INA: variants seen among roughly 807,000 people sequenced by gnomAD.
INA encodes the protein internexin neuronal intermediate filament protein alpha, also known as alpha-internexin.
In INA, 35 loss-of-function variants were observed where a neutral mutation model predicts 40.1. That is an observed-to-expected ratio of 0.87 (90% CI 0.67 to 1.16). The LOEUF is 1.16. Ranked by LOEUF, INA falls within the 50% of genes most tolerant of loss-of-function variation. INA has a pLI of 0.00. For synonymous variants in INA, 290 were observed against 316.9 expected (o/e 0.92, Z 0.90); for missense variants, 594 against 686.7 (o/e 0.87, Z 1.51).
Position 103,288,747 on chromosome 10 carries a change from A to G in INA, c.*78A>G, listed in dbSNP as rs941181641. ...TTGTTAAACAGCCTATTCCTGAACT[A>G]TAACACCTGCCACCACTATAAAATG... On this transcript the variant is annotated 3_prime_UTR_variant, in exon 3 of 3. Coordinates refer to ENST00000369849, the MANE Select transcript of INA (RefSeq NM_032727.4). 2 of 859,866 alleles carry G rather than the reference A, an allele frequency of 2.3e-6. No individual in the cohort carries two copies. The highest frequency in any genetic ancestry group is 3.6e-6 in the Non-Finnish European group (2 of 554,102). The allele number at this position is 859,866 out of a possible 1,614,324, so 53.3% of individuals were successfully genotyped here.
chr10:103,285,454 C>T (rs756575434), intron 1 of INA, among the ~76,000 whole-genome samples: 28 of 150,766 alleles, frequency 1.9e-4, no homozygotes, highest in Non-Finnish European at 3.1e-4. Flanking sequence ...TGCCACTGCA[C>T]ACAGCTAATT....
In INA at chr10:103,288,642, A is replaced by T. The variant is rs1462427902; in HGVS notation, c.1473A>T (p.Glu491Asp). Residue 491 changes from glutamate to aspartate, a missense_variant, in exon 3 of 3, where the codon GAA becomes GAT. By Grantham distance (45) the Glu-to-Asp change is conservative (BLOSUM62 2). Coordinates refer to ENST00000369849, the MANE Select transcript of INA (RefSeq NM_032727.4). ...AAACCGAGAAATCAAATATAGAAGA[A>T]ACCACCATTTCAAGCCAAAAAATAT... ...TKKTEKSNIE[E>D]TTISSQKI 6.3e-7 allele frequency: 1 copy of T among 1,582,734 alleles called. No homozygotes were observed. The highest frequency in any genetic ancestry group is 8.6e-7 in the Non-Finnish European group (1 of 1,168,656).
chr10:103,289,253 G>T lies in INA; in HGVS notation c.*584G>T, dbSNP rs879149302. 1 of 152,436 alleles carries T rather than the reference G, an allele frequency of 6.6e-6. No homozygotes were observed. The highest frequency in any genetic ancestry group is 1.5e-5 in the Non-Finnish European group (1 of 68,042). 9.4% of individuals were successfully genotyped at this position (152,436 alleles called of 1,614,324 possible). A position where few individuals can be genotyped will look rare whatever the true frequency, so the allele number is the denominator to read the frequency against. ...ATTCTTCCCTTTTAAACACATTTTG[G>T]TTCTTCTCAAAAGAACTTACCCCCA... On this transcript the variant is annotated 3_prime_UTR_variant, in exon 3 of 3. Transcript: ENST00000369849.
rs1048019888 is a variant in INA, at chr10:103,280,624, CAG to C, written c.1065+2350_1065+2351del. ...CATTAAAGTCCCATCTTCTCTGCCC[CAG>C]ATAGCTGATAGCCTATTTAAGGAGA... On this transcript the variant is annotated intron_variant, in intron 1 of 2. Coordinates refer to ENST00000369849, the MANE Select transcript of INA (RefSeq NM_032727.4). 1.2e-5 allele frequency: 12 copies of C among 985,454 alleles called. No homozygotes were observed. In the African/African-American group the frequency reaches 2.1e-4, roughly 17 times the overall value. 61.0% of individuals were successfully genotyped at this position (985,454 alleles called of 1,614,324 possible). A position where few individuals can be genotyped will look rare whatever the true frequency, so the allele number is the denominator to read the frequency against.
At chr10:103,279,414 G>C (rs1455841346) in intron 1 of INA, among the ~76,000 whole-genome samples, 1 of 152,100 alleles carries the variant, frequency 6.6e-6, no homozygotes, top group Admixed American at 6.6e-5. Context: ...TCCCAACAAA[G>C]GCCACTGTGT....
chr10:103,279,984 C>T, intron 1 of INA: 1 of 1,286,928 alleles, frequency 7.8e-7, no homozygotes, highest in South Asian at 1.2e-5. Flanking sequence ...GAGGGCTAGC[C>T]CAGTATTTCT....
Position 103,277,707 on chromosome 10 carries a change from C to G in INA, c.496C>G (p.Leu166Val). The G allele has an allele frequency of 7.2e-7, 1 of 1,388,646 alleles. No homozygotes were observed. The highest frequency in any genetic ancestry group is 9.2e-7 in the Non-Finnish European group (1 of 1,083,500). The allele number at this position is 1,388,646 out of a possible 1,614,324, so 86.0% of individuals were successfully genotyped here. ...CAGCTCGGCTCGCTCGCAGGCCCTG[C>G]TGGAGCGCGACGGGCTGGCGGAGGA... is the stretch of plus-strand genomic sequence containing the variant. ...EASSARSQAL[L>V]ERDGLAEEVQ... The change falls in exon 1 of 3, where the codon CTG becomes GTG. Residue 166 changes from leucine to valine, a missense_variant. By Grantham distance (32) the Leu-to-Val change is conservative. Transcript: ENST00000369849. This position sits in a 1 kb window ranked among gnomAD's most constrained non-coding sequence, Gnocchi z 5.6.
chr10:103,285,306 C>CTTTTTTTTTTT (rs2093083089), intron 1 of INA, among the ~76,000 whole-genome samples: 1 of 142,206 alleles, frequency 7.0e-6, no homozygotes, highest in Admixed American at 7.2e-5. Flanking sequence ...TGAACTGAAT[C>CTTTTTTTTTTT]TTTTTTGAGA....
Position 103,278,119 on chromosome 10 carries a change from A to T in INA, c.908A>T (p.Glu303Val). The T allele has an allele frequency of 6.2e-7, 1 of 1,612,998 alleles. No individual in the cohort carries two copies. The highest frequency in any genetic ancestry group is 1.1e-5 in the South Asian group (1 of 91,076). Residue 303 changes from glutamate to valine, a missense_variant, in exon 1 of 3, where the codon GAG becomes GTG. Glu to Val is a moderately radical substitution (Grantham distance 121). Transcript: ENST00000369849. This position sits in a 1 kb window ranked among gnomAD's most constrained non-coding sequence, Gnocchi z 4.9. ...AACGAGCAGGCGGCGCGCAGCACCGAGGCCATCCGGGCCAGCCGCGAGGAG... is the reference window on the plus strand; with the variant it reads ...AACGAGCAGGCGGCGCGCAGCACCGTGGCCATCCGGGCCAGCCGCGAGGAG... ...NLNEQAARST[E>V]AIRASREEIH...
At chr10:103,279,387 A>G (rs2093067992) in intron 1 of INA, among the ~76,000 whole-genome samples, 1 of 152,122 alleles carries the variant, frequency 6.6e-6, no homozygotes, top group South Asian at 2.1e-4. Flanking sequence ...CTGTGATGGT[A>G]TTGATTGGCT....
chr10:103,284,087 A>G (rs1337978661), intron 1 of INA, among the ~76,000 whole-genome samples: 1 of 150,688 alleles, frequency 6.6e-6, no homozygotes, highest in Admixed American at 6.6e-5. Context: ...CTGTTTCTTA[A>G]AAATAACCCC....
At position 103,278,616 on chromosome 10, in the gene INA, G is replaced by A. The variant is rs2093066299; in HGVS notation, c.1065+340G>A. On this transcript the variant is annotated intron_variant, in intron 1 of 2. Transcript: ENST00000369849. This position sits in a 1 kb window ranked among gnomAD's most constrained non-coding sequence, Gnocchi z 4.9. ...CACCCAAAGTAAGACTGAGCCCAACGGGGCAGGTTACGTGGGCGGTGCTGT... is the reference window on the plus strand; with the variant it reads ...CACCCAAAGTAAGACTGAGCCCAACAGGGCAGGTTACGTGGGCGGTGCTGT... 1.3e-5 allele frequency among the ~76,000 whole-genome samples: 2 copies of A among 152,128 alleles called. No individual in the cohort carries two copies. The highest frequency in any genetic ancestry group is 2.4e-5 in the African/African-American group (1 of 41,430).
chr10:103,288,037 T>C (rs1592045345), intron 2 of INA, among the ~76,000 whole-genome samples: 1 of 152,202 alleles, frequency 6.6e-6, no homozygotes, highest in Non-Finnish European at 1.5e-5. Context: ...CCTAGAGCTT[T>C]GTTGCTAATT....
rs372653048 is a variant in INA at position 103,286,921 on chromosome 10, T to G, written c.1066-114T>G. On this transcript the variant is annotated intron_variant, in intron 1 of 2. Coordinates refer to ENST00000369849, the MANE Select transcript of INA (RefSeq NM_032727.4). ...GACAGACCTGGATATAAGCAAGTTA[T>G]AAGTTCATTAGATGATTTTAATGTG... The G allele has an allele frequency of 1.3e-5, 14 of 1,105,756 alleles. No individual in the cohort carries two copies. The African/African-American group carries it at 2.2e-4, about 17-fold the overall frequency. The allele number at this position is 1,105,756 out of a possible 1,614,324, so 68.5% of individuals were successfully genotyped here. A position where few individuals can be genotyped will look rare whatever the true frequency, so the allele number is the denominator to read the frequency against.
chr10:103,280,772 T>C, intron 1 of INA: 2 of 985,456 alleles, frequency 2.0e-6, no homozygotes, highest in Non-Finnish European at 2.4e-6. Flanking sequence ...CTAAGGCTAT[T>C]GTCTTCAAAA....
rs1352693280 is a variant in INA at position 103,288,447 on chromosome 10, G to A, written c.1278G>A (p.Leu426=). ...GLNPLPNPSY[L]LPPRILSATT... The stretch of plus-strand genomic sequence containing the variant: ...ATCCACTTCCCAATCCAAGTTACCT[G>A]CTCCCACCTAGAATCCTCAGTGCTA... The change falls in exon 3 of 3, where the codon CTG becomes CTA. Residue 426 remains leucine (L), a synonymous_variant. Coordinates refer to ENST00000369849, the MANE Select transcript of INA (RefSeq NM_032727.4). 1 of 1,613,950 alleles carries A rather than the reference G, an allele frequency of 6.2e-7. No homozygotes were observed.
At chr10:103,287,181 C>T in intron 2 of INA, 22 bp downstream of exon 2, 2 of 1,608,150 alleles carry the variant, frequency 1.2e-6, no homozygotes, top group South Asian at 2.2e-5. Flanking sequence ...GACCTGCTTA[C>T]CCGAGTAAAT....
Position 103,288,560 on chromosome 10 carries a change from C to T in INA, c.1391C>T (p.Ser464Phe). The T allele has an allele frequency of 6.2e-7, 1 of 1,613,644 alleles. No individual in the cohort carries two copies. Among genetic ancestry groups the T allele is most frequent in the South Asian group, 1.1e-5 (1 of 91,060 alleles). The part of the protein sequence containing the change: ...EASKVASKKT[S>F]QIGESFEEIL... ...TCTAAGGTAGCCTCTAAGAAAACCT[C>T]CCAGATAGGGGAAAGTTTTGAAGAA... is the stretch of plus-strand genomic sequence containing the variant. Residue 464 changes from serine to phenylalanine, a missense_variant, in exon 3 of 3, where the codon TCC becomes TTC. By Grantham distance (155) the Ser-to-Phe change is radical. Coordinates refer to ENST00000369849, the MANE Select transcript of INA (RefSeq NM_032727.4).
chr10:103,289,558 T>C lies in INA; in HGVS notation c.*889T>C, dbSNP rs1238043596. 1 of 152,674 alleles carries C rather than the reference T, an allele frequency of 6.5e-6. No homozygotes were observed. Among genetic ancestry groups the C allele is most frequent in the Non-Finnish European group, 1.5e-5 (1 of 68,048 alleles). 9.5% of individuals were successfully genotyped at this position (152,674 alleles called of 1,614,324 possible). On this transcript the variant is annotated 3_prime_UTR_variant, in exon 3 of 3. Coordinates refer to ENST00000369849, the MANE Select transcript of INA (RefSeq NM_032727.4). Reference sequence around the variant, plus strand: ...GCACAGTAAATATCCCAAACTGTGATGAAGCCGACCTTAGATTTAGTAGTG... The same window carrying C: ...GCACAGTAAATATCCCAAACTGTGACGAAGCCGACCTTAGATTTAGTAGTG...
Sources: gnomAD v4.1 joint callset for allele counts (sites outside exome capture counted in the v4.1 genomes callset) on GRCh38, gnomAD v4.1.1 for gene constraint, Gnocchi (gnomAD v3.1) non-coding constraint, MANE v1.5 for transcripts, NCBI Gene and HGNC (gene_info 2026-07-23, HGNC 2026-07-21) for gene names.